The following DIP2C variants were observed in gnomAD, a reference collection of about 807,000 sequenced individuals.
The protein encoded by DIP2C is DIP2 acetate--CoA ligase C (putative).
A neutral mutation model predicts 192.4 loss-of-function variants in DIP2C; 33 were observed. That is an observed-to-expected ratio of 0.17 (90% CI 0.13 to 0.23). The LOEUF is 0.23. DIP2C is among the 10% of genes least tolerant of loss of function. The pLI, the probability that DIP2C is intolerant of heterozygous loss-of-function variation, is 1.00. For synonymous variants in DIP2C, 979 were observed against 864.1 expected, an observed-to-expected ratio of 1.13 and a Z score of -2.33; for missense variants, 1,537 against 2,110.1, an observed-to-expected ratio of 0.73 and a Z score of 5.32.
chr10:613,133 G>A (rs1853215504), intron 1 of DIP2C, among the ~76,000 whole-genome samples: 1 of 152,194 alleles, frequency 6.6e-6, no homozygotes, highest in South Asian at 2.1e-4. Context: ...GCAAAAAACA[G>A]TCACTCATTT....
chr10:479,052 G>A (rs1364117299), intron 2 of DIP2C, among the ~76,000 whole-genome samples: 3 of 152,142 alleles, frequency 2.0e-5, no homozygotes, highest in Admixed American at 6.6e-5. Flanking sequence ...GAAACTGCCG[G>A]GGATTTTTCT....
intron 3 of DIP2C, among the ~76,000 whole-genome samples, chr10:442,181 C>G (rs1431965987): frequency 2.6e-5 from 4 of 152,130 alleles, no homozygotes; most frequent in African/African-American, 4.8e-5. Context: ...GAAAGGGTCC[C>G]CAGGACGAGG....
At chr10:453,969 G>T (rs1270435172) in intron 3 of DIP2C, among the ~76,000 whole-genome samples, 1 of 152,250 alleles carries the variant, frequency 6.6e-6, no homozygotes, top group Non-Finnish European at 1.5e-5. Flanking sequence ...TGAAACCACT[G>T]TCCTCACATG....
At chr10:600,543 G>A (rs1457664409) in intron 1 of DIP2C, among the ~76,000 whole-genome samples, 1 of 151,942 alleles carries the variant, frequency 6.6e-6, no homozygotes, top group Non-Finnish European at 1.5e-5. Context: ...CCACCTTAAA[G>A]AGGACGGCCC....
At chr10:507,714 G>A (rs745368368) in intron 1 of DIP2C, among the ~76,000 whole-genome samples, 2 of 152,094 alleles carry the variant, frequency 1.3e-5, no homozygotes, top group Non-Finnish European at 2.9e-5. Context: ...GTTTGTTCCC[G>A]CACATTCCTT....
At chr10:389,462 C>T (rs912081267) in intron 13 of DIP2C, among the ~76,000 whole-genome samples, 4 of 152,184 alleles carry the variant, frequency 2.6e-5, no homozygotes, top group Non-Finnish European at 1.5e-5. Flanking sequence ...TCACGAGCAC[C>T]AATGCAGAGA....
intron 1 of DIP2C, among the ~76,000 whole-genome samples, chr10:525,975 A>C (rs374243911): frequency 4.6e-5 from 7 of 152,220 alleles, no homozygotes; most frequent in African/African-American, 1.7e-4. Context: ...CATGGCTCAC[A>C]CAGGCAGTGG....
chr10:688,990 G>A (rs1831437175), intron 1 of DIP2C, among the ~76,000 whole-genome samples: 1 of 152,180 alleles, frequency 6.6e-6, no homozygotes, highest in African/African-American at 2.4e-5. Flanking sequence ...AAATCTGGCC[G>A]GGCGTTCCAG....
intron 29 of DIP2C, among the ~76,000 whole-genome samples, chr10:329,873 G>A (rs572882849): frequency 7.9e-5 from 12 of 152,284 alleles, no homozygotes; most frequent in African/African-American, 2.6e-4. Context: ...GTGATGCTGT[G>A]ATGTCTCTCA....
At chr10:389,554 A>G (rs906375261) in intron 13 of DIP2C, among the ~76,000 whole-genome samples, 9 of 152,172 alleles carry the variant, frequency 5.9e-5, no homozygotes, top group Admixed American at 2.0e-4. Flanking sequence ...CCCAGGGATG[A>G]AGCTCCACGG....
intron 17 of DIP2C, among the ~76,000 whole-genome samples, chr10:376,093 CTGTG>C (rs1348900972): frequency 5.9e-5 from 9 of 152,346 alleles, no homozygotes; most frequent in South Asian, 2.1e-4. Flanking sequence ...CTTTCAAGCT[CTGTG>C]TGTGTATGAA....
At chr10:671,393 G>C (rs886721586) in intron 1 of DIP2C, among the ~76,000 whole-genome samples, 1 of 139,014 alleles carries the variant, frequency 7.2e-6, no homozygotes, top group Non-Finnish European at 1.5e-5. Flanking sequence ...ACGCACGGAC[G>C]GAGGAAACGT....
At chr10:387,659 A>C (rs536161331) in intron 14 of DIP2C, 86 bp downstream of exon 14, 2 of 827,140 alleles carry the variant, frequency 2.4e-6, no homozygotes, top group East Asian at 4.7e-5. Flanking sequence ...GACAGACAGT[A>C]TGGGGAGGGG....
At chr10:590,077 A>T (rs1039033257) in intron 1 of DIP2C, among the ~76,000 whole-genome samples, 1 of 152,188 alleles carries the variant, frequency 6.6e-6, no homozygotes, top group Non-Finnish European at 1.5e-5. Flanking sequence ...TGGGAAATGG[A>T]CACTCTTCCT....
At chr10:454,353 TA>T (rs1406419604) in intron 3 of DIP2C, among the ~76,000 whole-genome samples, 3 of 152,208 alleles carry the variant, frequency 2.0e-5, no homozygotes, top group East Asian at 3.9e-4. Context: ...CTTAAAGTAC[TA>T]AAAAGGGATA....
At chr10:401,422 T>G (rs1964435661) in intron 9 of DIP2C, among the ~76,000 whole-genome samples, 1 of 151,590 alleles carries the variant, frequency 6.6e-6, no homozygotes, top group African/African-American at 2.4e-5. Flanking sequence ...AATCCTGTGA[T>G]TTTACATGTG....
At chr10:625,252 C>G (rs531190113) in intron 1 of DIP2C, among the ~76,000 whole-genome samples, 1 of 152,198 alleles carries the variant, frequency 6.6e-6, no homozygotes, top group Non-Finnish European at 1.5e-5. Flanking sequence ...CCTCCTCCCC[C>G]GCCGCTTCCC....
At position 390,251 on chromosome 10, in the gene DIP2C, A is replaced by G; in HGVS notation, c.1494+13T>C. ...ACACTCAGGGCCAGTGGAGGAGGCC[A>G]AGGCTGACTCACCTCAATATACGCA... On this transcript the variant is annotated intron_variant, in intron 12 of 36. Coordinates refer to ENST00000280886, the MANE Select transcript of DIP2C (RefSeq NM_014974.3). 1 of 1,613,034 alleles carries G rather than the reference A, an allele frequency of 6.2e-7. No homozygotes were observed. The highest frequency in any genetic ancestry group is 8.5e-7 in the Non-Finnish European group (1 of 1,179,122).
At chr10:346,462 G>A (rs1418179374) in intron 26 of DIP2C, among the ~76,000 whole-genome samples, 1 of 90,700 alleles carries the variant, frequency 1.1e-5, no homozygotes, top group Non-Finnish European at 2.0e-5. Context: ...ACCCAACCCA[G>A]ACACATCGCG....
Sources: gnomAD v4.1 joint callset for allele counts (sites outside exome capture counted in the v4.1 genomes callset) on GRCh38, gnomAD v4.1.1 for gene constraint, MANE v1.5 for transcripts, NCBI Gene and HGNC (gene_info 2026-07-23, HGNC 2026-07-21) for gene names.